CIB4: variants seen among roughly 807,000 people sequenced by gnomAD.
CIB4 encodes the protein calcium and integrin binding family member 4, also known as calcium and integrin-binding family member 4.
CIB4 carries 25 observed loss-of-function variants against 25.8 expected under a neutral mutation model. The ratio of observed to expected loss-of-function variants is 0.97; its 90% CI spans 0.71 to 1.35. The LOEUF is 1.35. CIB4 is among the 40% of genes most tolerant of loss of function. The probability of loss-of-function intolerance (pLI) is 0.00; values close to 1 mark genes in which losing one functional copy is unlikely to be tolerated. For synonymous variants in CIB4, 75 were observed against 81.4 expected (o/e 0.92, Z 0.42); for missense variants, 235 against 228.2 (o/e 1.03, Z -0.19).
intron 3 of CIB4, among the ~76,000 whole-genome samples, chr2:26,602,824 C>T (rs1017312058): frequency 6.6e-6 from 1 of 152,124 alleles, no homozygotes; most frequent in Admixed American, 6.6e-5. Flanking sequence ...GCTTGGGTGG[C>T]TGAGGCGGGA....
chr2:26,588,993 C>A (rs1191496146), intron 4 of CIB4, among the ~76,000 whole-genome samples: 1 of 7,350 alleles, frequency 1.4e-4, no homozygotes. Context: ...TCTTCTTCTT[C>A]TTCTTCTTCT....
At chr2:26,585,656 G>A (rs1231287338) in intron 4 of CIB4, among the ~76,000 whole-genome samples, 1 of 152,096 alleles carries the variant, frequency 6.6e-6, no homozygotes, top group African/African-American at 2.4e-5. Flanking sequence ...ACTGAGGCAT[G>A]CACAGATTAA....
intron 3 of CIB4, among the ~76,000 whole-genome samples, chr2:26,610,143 G>A (rs1275294425): frequency 6.6e-6 from 1 of 152,240 alleles, no homozygotes; most frequent in Non-Finnish European, 1.5e-5. Flanking sequence ...CTCAGATGGT[G>A]TCAGGGCTGC....
At chr2:26,616,466 A>G (rs1669094497) in intron 3 of CIB4, among the ~76,000 whole-genome samples, 1 of 152,138 alleles carries the variant, frequency 6.6e-6, no homozygotes, top group Non-Finnish European at 1.5e-5. Flanking sequence ...TTCTCAGTGG[A>G]AGATTTGTCC....
chr2:26,640,652 G>T, intron 1 of CIB4, 85 bp from the exon 2 acceptor site: 1 of 1,400,664 alleles, frequency 7.1e-7, no homozygotes, highest in Non-Finnish European at 9.9e-7. Context: ...CAGAGGCTGG[G>T]GAGGAAATGC....
chr2:26,618,428 G>A (rs1415737676), intron 3 of CIB4, among the ~76,000 whole-genome samples: 1 of 152,118 alleles, frequency 6.6e-6, no homozygotes, highest in African/African-American at 2.4e-5. Flanking sequence ...TGAGGCTACA[G>A]GTGCACACCA....
chr2:26,607,850 G>C (rs1245509582), intron 3 of CIB4, among the ~76,000 whole-genome samples: 1 of 152,246 alleles, frequency 6.6e-6, no homozygotes, highest in African/African-American at 2.4e-5. Context: ...TGTGTGTTCT[G>C]GCTCTTCAGA....
chr2:26,593,956 C>T (rs986656379), intron 4 of CIB4, among the ~76,000 whole-genome samples: 4 of 152,180 alleles, frequency 2.6e-5, no homozygotes, highest in African/African-American at 9.7e-5. Context: ...GCTGTGTGTG[C>T]CCCAAACTCT....
chr2:26,620,377 C>G (rs559303126), intron 3 of CIB4, among the ~76,000 whole-genome samples: 22 of 152,204 alleles, frequency 1.4e-4, no homozygotes, highest in Non-Finnish European at 2.6e-4. Context: ...CCCCCACCCC[C>G]GCCAACCTAC....
At chr2:26,614,990 A>G (rs1041553920) in intron 3 of CIB4, among the ~76,000 whole-genome samples, 2 of 152,162 alleles carry the variant, frequency 1.3e-5, no homozygotes, top group African/African-American at 4.8e-5. Context: ...GTTTGACTGG[A>G]TGAGAAAATC....
At chr2:26,608,175 G>T (rs191139491) in intron 3 of CIB4, among the ~76,000 whole-genome samples, 22 of 150,806 alleles carry the variant, frequency 1.5e-4, no homozygotes, top group Middle Eastern at 6.9e-3. Flanking sequence ...GAGACGGGAA[G>T]GTTGCAGTGA....
chr2:26,605,275 TA>T (rs1668866075), intron 3 of CIB4, among the ~76,000 whole-genome samples: 3 of 152,196 alleles, frequency 2.0e-5, no homozygotes, highest in East Asian at 1.9e-4. Flanking sequence ...TTGAATTTTT[TA>T]AAAAAAGAAA....
chr2:26,606,166 G>T (rs952186139), intron 3 of CIB4, among the ~76,000 whole-genome samples: 1 of 152,218 alleles, frequency 6.6e-6, no homozygotes, highest in South Asian at 2.1e-4. Flanking sequence ...CAGACACTGC[G>T]CTGAGTCCTG....
chr2:26,625,726 C>T lies in CIB4; in HGVS notation c.186+3684G>A, dbSNP rs541357794. ...GACAGTTTTGTTTGCTGTGCAGAAG[C>T]TCTTTAGTTTAATTAGATCCCATTT... On this transcript the variant is annotated intron_variant, in intron 3 of 6. Transcript: ENST00000288861. Among the ~76,000 whole-genome samples the T allele has an allele frequency of 9.0e-4, 137 of 152,328 alleles. 2 individuals carry two copies. The South Asian group carries it at 0.027, about 30-fold the overall frequency.
At chr2:26,623,404 C>T (rs1198430479) in intron 3 of CIB4, 4 of 376,172 alleles carry the variant, frequency 1.1e-5, no homozygotes, top group Non-Finnish European at 2.3e-5. Flanking sequence ...ACCATTCCCA[C>T]CCCACCTACT....
At chr2:26,601,094 G>A (rs1348119618) in intron 3 of CIB4, among the ~76,000 whole-genome samples, 4 of 151,662 alleles carry the variant, frequency 2.6e-5, no homozygotes, top group East Asian at 3.9e-4. Flanking sequence ...GGTCTTGCAC[G>A]CCTGTAGTTC....
chr2:26,581,624 G>A (rs541474265), intron 6 of CIB4, among the ~76,000 whole-genome samples: 52 of 152,314 alleles, frequency 3.4e-4, no homozygotes, highest in African/African-American at 1.2e-3. Context: ...TGTGGTGCTC[G>A]AATCAGTGGA....
chr2:26,594,599 C>T (rs539938453), intron 4 of CIB4, among the ~76,000 whole-genome samples: 2 of 152,320 alleles, frequency 1.3e-5, no homozygotes, highest in African/African-American at 2.4e-5. Context: ...TTCTTTCTTT[C>T]CTTTTGATTC....
chr2:26,581,772 C>T (rs1668349784), intron 6 of CIB4, among the ~76,000 whole-genome samples: 1 of 152,190 alleles, frequency 6.6e-6, no homozygotes, highest in South Asian at 2.1e-4. Flanking sequence ...GAGGGGCCAC[C>T]CAGGCCACAG....
Sources: allele counts gnomAD v4.1 joint callset (sites outside exome capture counted in the v4.1 genomes callset), GRCh38; gene constraint gnomAD v4.1.1; transcripts MANE v1.5; gene names NCBI Gene and HGNC (gene_info 2026-07-23, HGNC 2026-07-21).